The following PPARGC1A variants were observed in gnomAD, a reference collection of about 807,000 sequenced individuals.
PPARGC1A encodes the protein peroxisome proliferator-activated receptor gamma coactivator 1-alpha.
A neutral mutation model predicts 88.7 loss-of-function variants in PPARGC1A; 25 were observed. The ratio of observed to expected loss-of-function variants is 0.28; its 90% CI spans 0.21 to 0.39. PPARGC1A has a LOEUF of 0.39. PPARGC1A is among the 10% of genes least tolerant of loss of function. The probability of loss-of-function intolerance (pLI) is 1.00; values close to 1 mark genes in which losing one functional copy is unlikely to be tolerated. For missense variants in PPARGC1A, 880 were observed against 968.7 expected (o/e 0.91, Z 1.22); for synonymous variants, 363 against 355.6 (o/e 1.02, Z -0.24).
At chr4:24,102,563 C>T in the PPARGC1A span, among the ~76,000 whole-genome samples, 41 of 152,338 alleles carry the variant, frequency 2.7e-4, no homozygotes, top group South Asian at 7.5e-3. Flanking sequence ...TTCCGAATTG[C>T]ATTTAACAGC....
chr4:24,313,398 G>A, the PPARGC1A span, among the ~76,000 whole-genome samples: 1 of 152,184 alleles, frequency 6.6e-6, no homozygotes, highest in Admixed American at 6.5e-5. Flanking sequence ...GCCAAAGCAG[G>A]AGGCATCTGT....
the PPARGC1A span, among the ~76,000 whole-genome samples, chr4:24,017,237 C>T: frequency 6.6e-6 from 1 of 151,988 alleles, no homozygotes; most frequent in Non-Finnish European, 1.5e-5. Flanking sequence ...AAAATTTAGG[C>T]AGTATTTGGA....
chr4:24,011,372 C>CACACAT, the PPARGC1A span, among the ~76,000 whole-genome samples: 1 of 152,126 alleles, frequency 6.6e-6, no homozygotes, highest in African/African-American at 2.4e-5. Flanking sequence ...CACAAGCACT[C>CACACAT]ACACATACAC....
At chr4:24,064,785 A>G in the PPARGC1A span, among the ~76,000 whole-genome samples, 10 of 152,112 alleles carry the variant, frequency 6.6e-5, no homozygotes, top group Admixed American at 6.5e-4. Flanking sequence ...TTTTAATGCC[A>G]ATATGTGCAT....
chr4:24,047,681 G>A, the PPARGC1A span, among the ~76,000 whole-genome samples: 8 of 152,244 alleles, frequency 5.3e-5, no homozygotes, highest in East Asian at 7.7e-4. Flanking sequence ...GCTTAGTAAC[G>A]AGTCCTTCTC....
chr4:24,466,070 A>C, the PPARGC1A span, among the ~76,000 whole-genome samples: 1 of 152,174 alleles, frequency 6.6e-6, no homozygotes, highest in Non-Finnish European at 1.5e-5. Flanking sequence ...TGCCCCACTA[A>C]ACCATAATTA....
chr4:24,297,444 AC>A, the PPARGC1A span, among the ~76,000 whole-genome samples: 1 of 152,170 alleles, frequency 6.6e-6, no homozygotes, highest in Non-Finnish European at 1.5e-5. Flanking sequence ...CTTTTAGCAC[AC>A]CTCAAAACAC....
the PPARGC1A span, among the ~76,000 whole-genome samples, chr4:23,934,310 C>A: frequency 1.3e-5 from 2 of 152,190 alleles, no homozygotes; most frequent in African/African-American, 4.8e-5. Flanking sequence ...GTAACAACAG[C>A]CCCTACAGAG....
the PPARGC1A span, among the ~76,000 whole-genome samples, chr4:24,466,900 AGAGG>A: frequency 6.9e-6 from 1 of 144,972 alleles, no homozygotes; most frequent in Non-Finnish European, 1.5e-5. Flanking sequence ...AAAAAAAAAA[AGAGG>A]AAGGAAGGAA....
chr4:23,866,318 G>A (rs1348030790), intron 2 of PPARGC1A: 1 of 152,140 alleles, frequency 6.6e-6, no homozygotes, highest in Non-Finnish European at 1.5e-5. Context: ...AGCTTGAACT[G>A]TAAAGATTTG....
At chr4:23,987,060 C>T in the PPARGC1A span, among the ~76,000 whole-genome samples, 4 of 151,988 alleles carry the variant, frequency 2.6e-5, no homozygotes, top group African/African-American at 9.7e-5. Flanking sequence ...TATAAAGTCC[C>T]ATAACACCTC....
chr4:24,051,756 CT>C, the PPARGC1A span, among the ~76,000 whole-genome samples: 1 of 151,936 alleles, frequency 6.6e-6, no homozygotes, highest in South Asian at 2.1e-4. Context: ...ATTAGTGTGG[CT>C]TAAATAACAA....
chr4:23,826,081 C>T (rs532163100), intron 5 of PPARGC1A, among the ~76,000 whole-genome samples: 69 of 152,190 alleles, frequency 4.5e-4, no homozygotes, highest in African/African-American at 1.6e-3. Flanking sequence ...ATTTGAAATG[C>T]TCAAAGGAAG....
At chr4:24,009,510 G>C in the PPARGC1A span, among the ~76,000 whole-genome samples, 1 of 152,230 alleles carries the variant, frequency 6.6e-6, no homozygotes, top group African/African-American at 2.4e-5. Flanking sequence ...ATGACAGGCA[G>C]TGAGAAGCTG....
chr4:23,927,531 G>T, the PPARGC1A span, among the ~76,000 whole-genome samples: 1 of 152,106 alleles, frequency 6.6e-6, no homozygotes, highest in Non-Finnish European at 1.5e-5. Context: ...TCAAATTTAA[G>T]CTTGAGTTTT....
chr4:23,945,184 T>G, the PPARGC1A span, among the ~76,000 whole-genome samples: 1 of 152,286 alleles, frequency 6.6e-6, no homozygotes, highest in African/African-American at 2.4e-5. Context: ...ATATTAGAAC[T>G]TATACACCTA....
chr4:24,175,116 T>C, the PPARGC1A span, among the ~76,000 whole-genome samples: 3 of 152,294 alleles, frequency 2.0e-5, no homozygotes, highest in South Asian at 2.1e-4. Context: ...ATGAGCTTCA[T>C]TGTTGGGTAA....
the PPARGC1A span, among the ~76,000 whole-genome samples, chr4:24,007,179 G>T: frequency 2.0e-5 from 3 of 152,048 alleles, no homozygotes; most frequent in African/African-American, 7.2e-5. Context: ...ATTCCATCAC[G>T]ATCTTCTGTA....
the PPARGC1A span, among the ~76,000 whole-genome samples, chr4:24,103,674 G>A: frequency 1.3e-5 from 2 of 148,148 alleles, no homozygotes; most frequent in African/African-American, 2.5e-5. Context: ...TGTTATTTTT[G>A]GCTGAGTGTC....
Sources: gnomAD v4.1 joint callset for allele counts (sites outside exome capture counted in the v4.1 genomes callset) on GRCh38, gnomAD v4.1.1 for gene constraint, MANE v1.5 for transcripts, NCBI Gene and HGNC (gene_info 2026-07-23, HGNC 2026-07-21) for gene names.